HTR3B: variants seen among roughly 807,000 people sequenced by gnomAD.
HTR3B encodes 5-hydroxytryptamine receptor 3B.
Under a neutral mutation model 42.8 loss-of-function variants are expected in HTR3B, and 44 were observed. That is an observed-to-expected ratio of 1.03 (90% confidence interval 0.81 to 1.32). The LOEUF (loss-of-function observed/expected upper bound fraction) is 1.32. Ranked by LOEUF, HTR3B falls within the 40% of genes most tolerant of loss-of-function variation. HTR3B has a pLI of 0.00. For missense variants in HTR3B, 527 were observed against 536.5 expected (o/e 0.98, Z 0.17); for synonymous variants, 203 against 209.0 (o/e 0.97, Z 0.25).
chr11:113,943,500 ATTTG>A (rs989387016), intron 7 of HTR3B, among the ~76,000 whole-genome samples: 3 of 151,652 alleles, frequency 2.0e-5, no homozygotes, highest in African/African-American at 7.3e-5. Context: ...CACCTGGCTA[ATTTG>A]TTGTATTTTT....
intron 6 of HTR3B, among the ~76,000 whole-genome samples, chr11:113,942,466 A>G (rs542203636): frequency 6.6e-6 from 1 of 152,320 alleles, no homozygotes; most frequent in African/African-American, 2.4e-5. Flanking sequence ...TCACACACAC[A>G]CACAAAAGTA....
At chr11:113,916,036 C>T (rs951877084) in intron 2 of HTR3B, among the ~76,000 whole-genome samples, 55 of 152,114 alleles carry the variant, frequency 3.6e-4, no homozygotes, top group African/African-American at 1.3e-3. Context: ...ATGGTTTCGC[C>T]GTGTTGGCCA....
At chr11:113,901,034 G>T (rs904130824), upstream of HTR3B, among the ~76,000 whole-genome samples, 7 of 152,126 alleles carry the variant, frequency 4.6e-5, no homozygotes, top group African/African-American at 1.7e-4. Flanking sequence ...TTTGGGTGGG[G>T]ACATACAGCC....
At chr11:113,929,420 G>A (rs1950009296) in intron 2 of HTR3B, among the ~76,000 whole-genome samples, 1 of 152,126 alleles carries the variant, frequency 6.6e-6, no homozygotes, top group South Asian at 2.1e-4. Flanking sequence ...CCCACTTTCT[G>A]ACTTTCAGAT....
In HTR3B at chr11:113,945,917, G is replaced by C; in HGVS notation, c.1106G>C (p.Gly369Ala). Residue 369 changes from glycine to alanine, a missense_variant, in exon 9 of 9, where the codon GGA becomes GCA. Gly to Ala is a moderately conservative substitution (Grantham distance 60). Coordinates refer to ENST00000260191, the MANE Select transcript of HTR3B (RefSeq NM_006028.5). Reference protein sequence around the residue: ...RAVVTESSLYGEHLAQPGTLK... With the variant: ...RAVVTESSLYAEHLAQPGTLK... ...CATCACACAGAGTCCTCGCTGTATG[G>C]AGAGCACCTGGCCCAGCCAGGAACC... 2.5e-6 allele frequency: 4 copies of C among 1,614,040 alleles called. No homozygotes were observed. The highest frequency in any genetic ancestry group is 3.4e-6 in the Non-Finnish European group (4 of 1,179,928).
chr11:113,922,549 T>TTTTA (rs148604770), intron 2 of HTR3B, among the ~76,000 whole-genome samples: 7,141 of 151,704 alleles, frequency 0.047, 501 homozygotes, highest in East Asian at 0.29. Flanking sequence ...TGTGTTTTTA[T>TTTTA]TTTATTTATT....
chr11:113,937,756 C>G (rs1214238758), intron 6 of HTR3B, among the ~76,000 whole-genome samples: 2 of 152,242 alleles, frequency 1.3e-5, no homozygotes, highest in Non-Finnish European at 2.9e-5. Context: ...GCAGTATATT[C>G]TGGTCCATTC....
intron 1 of HTR3B, among the ~76,000 whole-genome samples, chr11:113,906,184 T>C (rs941584189): frequency 6.6e-6 from 1 of 152,242 alleles, no homozygotes; most frequent in African/African-American, 2.4e-5. Context: ...ATTCCGTGGA[T>C]ACTTGTTGCA....
chr11:113,931,889 T>C lies in HTR3B; in HGVS notation c.368+22T>C, dbSNP rs181147921. The stretch of plus-strand genomic sequence containing the variant: ...AGTTGTAAGTGTGCCAGTGTGTATT[T>C]CTGTGGGGTTTAGACTGCTTGGTAT... On this transcript the variant is annotated intron_variant, in intron 4 of 8. Transcript: ENST00000260191. 48 of 1,348,990 alleles carry C rather than the reference T, an allele frequency of 3.6e-5. No homozygotes were observed. In the East Asian group the frequency reaches 9.9e-4, roughly 28 times the overall value. The allele number at this position is 1,348,990 out of a possible 1,614,324, so 83.6% of individuals were successfully genotyped here.
chr11:113,924,078 T>A (rs1949943633), intron 2 of HTR3B, among the ~76,000 whole-genome samples: 1 of 152,188 alleles, frequency 6.6e-6, no homozygotes, highest in South Asian at 2.1e-4. Flanking sequence ...ACTGAATCAA[T>A]GAGGCACATT....
chr11:113,900,710 C>T (rs1949691825), upstream of HTR3B, among the ~76,000 whole-genome samples: 2 of 152,064 alleles, frequency 1.3e-5, no homozygotes, highest in South Asian at 2.1e-4. Context: ...TCAGGCTGGT[C>T]TCGAACTCCT....
chr11:113,940,811 A>G (rs1222319599), intron 6 of HTR3B, among the ~76,000 whole-genome samples: 2 of 152,134 alleles, frequency 1.3e-5, no homozygotes, highest in Non-Finnish European at 2.9e-5. Context: ...TGGCCTTTGC[A>G]CTTCATCTCT....
Position 113,906,780 on chromosome 11 carries a change from A to C in HTR3B, c.52+1795A>C, listed in dbSNP as rs950324851. Among the ~76,000 whole-genome samples the C allele has an allele frequency of 4.6e-5, 7 of 152,096 alleles. No homozygotes were observed. In the South Asian group the frequency reaches 1.2e-3, roughly 27 times the overall value. On this transcript the variant is annotated intron_variant, in intron 1 of 8. Coordinates refer to ENST00000260191, the MANE Select transcript of HTR3B (RefSeq NM_006028.5). ...AAGCTCACTATGCCAATAGTCCCTC[A>C]TCTGCAGGAATAGTGCACTCCTCAC... is the stretch of plus-strand genomic sequence containing the variant.
intron 2 of HTR3B, among the ~76,000 whole-genome samples, chr11:113,914,476 A>T (rs1305915221): frequency 6.6e-6 from 1 of 151,750 alleles, no homozygotes; most frequent in Non-Finnish European, 1.5e-5. Flanking sequence ...AAAAAAAAAA[A>T]TTAAATTAAA....
chr11:113,924,770 T>G, intron 2 of HTR3B, among the ~76,000 whole-genome samples: 1 of 152,118 alleles, frequency 6.6e-6, no homozygotes, highest in South Asian at 2.1e-4. Context: ...AAGTTGTTCC[T>G]TGGGGAAATA....
chr11:113,902,761 T>C (rs1327963390), upstream of HTR3B, among the ~76,000 whole-genome samples: 1 of 152,252 alleles, frequency 6.6e-6, no homozygotes, highest in Non-Finnish European at 1.5e-5. Flanking sequence ...CAAAATGTTC[T>C]TTATAACAAA....
At chr11:113,906,537 G>A (rs1297848550) in intron 1 of HTR3B, among the ~76,000 whole-genome samples, 1 of 152,184 alleles carries the variant, frequency 6.6e-6, no homozygotes, top group East Asian at 1.9e-4. Flanking sequence ...AACACATGCA[G>A]AAAATACCAC....
rs571522024 is a variant in HTR3B at position 113,904,989 on chromosome 11, A to G, written c.52+4A>G. The G allele has an allele frequency of 1.9e-6, 3 of 1,604,204 alleles. No individual in the cohort carries two copies. The highest frequency in any genetic ancestry group is 2.2e-5 in the South Asian group (2 of 90,816). On this transcript the variant is annotated splice_donor_region_variant and intron_variant, in intron 1 of 8. Transcript: ENST00000260191. ...GCCTGCATCCTGGTGGCTGCAGGTGAGTCCTTTTAATAATTTTACTAGGCA... is the reference window on the plus strand; with the variant it reads ...GCCTGCATCCTGGTGGCTGCAGGTGGGTCCTTTTAATAATTTTACTAGGCA...
In HTR3B at chr11:113,915,595, A is replaced by C. The variant is rs563801889; in HGVS notation, c.213+6140A>C. Among the ~76,000 whole-genome samples, 5 of 152,354 alleles carry C rather than the reference A, an allele frequency of 3.3e-5. No homozygotes were observed. In the South Asian group the frequency reaches 8.3e-4, roughly 25 times the overall value. Reference sequence around the variant, plus strand: ...TATCTGTTTACCAGTTGTGGGACACATGGATTGTTTCCATTTGGGGGCAAT... The same window carrying C: ...TATCTGTTTACCAGTTGTGGGACACCTGGATTGTTTCCATTTGGGGGCAAT... On this transcript the variant is annotated intron_variant, in intron 2 of 8. Coordinates refer to ENST00000260191, the MANE Select transcript of HTR3B (RefSeq NM_006028.5).
Sources: gnomAD v4.1 joint callset for allele counts (sites outside exome capture counted in the v4.1 genomes callset) on GRCh38, gnomAD v4.1.1 for gene constraint, MANE v1.5 for transcripts, NCBI Gene and HGNC (gene_info 2026-07-23, HGNC 2026-07-21) for gene names.